The following ARL10 variants were observed in gnomAD, a reference collection of about 807,000 sequenced individuals.
ARL10 encodes ARF like GTPase 10, also known as ADP-ribosylation factor-like protein 10.
Under a neutral mutation model 26.1 loss-of-function variants are expected in ARL10, and 23 were observed. The ratio of observed to expected loss-of-function variants is 0.88; its 90% CI spans 0.63 to 1.25. The LOEUF is 1.25. Among genes scored for constraint, ARL10 ranks in the 50% most tolerant of loss-of-function variants. The pLI, the probability that ARL10 is intolerant of heterozygous loss-of-function variation, is 0.00. For synonymous variants in ARL10, 138 were observed against 149.1 expected (o/e 0.93, Z 0.54); for missense variants, 300 against 323.6 (o/e 0.93, Z 0.56).
At chr5:176,392,789 C>T (rs761220106), downstream of ARL10, 56 of 1,613,998 alleles carry the variant, frequency 3.5e-5, no homozygotes, top group Admixed American at 2.0e-4. The surrounding 1 kb of genome is among the most constrained non-coding windows in gnomAD (Gnocchi z 5.2). Flanking sequence ...GGGACAGTGG[C>T]GTCTGCTTCA....
At chr5:176,410,491 CT>C in the ARL10 span, among the ~76,000 whole-genome samples, 1 of 152,186 alleles carries the variant, frequency 6.6e-6, no homozygotes, top group Non-Finnish European at 1.5e-5. Flanking sequence ...TATAAAGCCT[CT>C]CACAGCCATT....
chr5:176,384,058 G>T, downstream of ARL10: 9 of 1,560,914 alleles, frequency 5.8e-6, no homozygotes, highest in Non-Finnish European at 7.8e-6. Context: ...GAGCCTCTGA[G>T]AACAGTTCCT....
intron 1 of ARL10, chr5:176,397,910 C>T (rs748062085): frequency 7.5e-6 from 12 of 1,607,956 alleles, no homozygotes; most frequent in Middle Eastern, 1.7e-4. Context: ...CAGCCAACCC[C>T]GCCTCAGCCC....
At chr5:176,397,465 G>T in intron 1 of ARL10, 1 of 96,868 alleles carries the variant, frequency 1.0e-5, no homozygotes, top group South Asian at 1.3e-4. Context: ...ATGTCCCCAC[G>T]GCCCCCTCAT....
At position 176,372,659 on chromosome 5, in the gene ARL10, T is replaced by G; in HGVS notation, c.*764T>G. 1 of 366,820 alleles carries G rather than the reference T, an allele frequency of 2.7e-6. No homozygotes were observed. The highest frequency in any genetic ancestry group is 4.8e-6 in the Non-Finnish European group (1 of 206,714). 22.7% of individuals were successfully genotyped at this position (366,820 alleles called of 1,614,324 possible). On this transcript the variant is annotated 3_prime_UTR_variant, in exon 4 of 4. Coordinates refer to ENST00000310389, the MANE Select transcript of ARL10 (RefSeq NM_173664.6). ...AAAAGTGAAGGCTGGGTTTTTCCCCTCTAATCTGGAGACAAGCTGCTGCTC... is the reference window on the plus strand; with the variant it reads ...AAAAGTGAAGGCTGGGTTTTTCCCCGCTAATCTGGAGACAAGCTGCTGCTC...
In ARL10 at chr5:176,366,473, T is replaced by C; in HGVS notation, c.277T>C (p.Phe93Leu). 6.2e-7 allele frequency: 1 copy of C among 1,613,954 alleles called. No homozygotes were observed. Among genetic ancestry groups the C allele is most frequent in the Non-Finnish European group, 8.5e-7 (1 of 1,180,018 alleles). Residue 93 changes from phenylalanine (F) to leucine (L), a missense_variant, in exon 2 of 4, where the codon TTC (phenylalanine) becomes CTC (leucine). By Grantham distance (22) the Phe-to-Leu change is conservative. Coordinates refer to ENST00000310389, the MANE Select transcript of ARL10 (RefSeq NM_173664.6). ...LGLDGAGKST[F>L]LRVLSGKPPL... The stretch of plus-strand genomic sequence containing the variant: ...GCTGGATGGCGCAGGCAAGAGCACG[T>C]TCCTGCGCGTGTTGTCGGGGAAGCC...
chr5:176,389,354 C>T (rs751988448), downstream of ARL10: 3 of 1,613,786 alleles, frequency 1.9e-6, no homozygotes, highest in Non-Finnish European at 2.5e-6. Context: ...GGCGGCCGCC[C>T]TCACCTACGG....
At chr5:176,388,233 A>G (rs1308184558) in intron 1 of ARL10, 1 of 1,605,274 alleles carries the variant, frequency 6.2e-7, no homozygotes, top group Non-Finnish European at 8.5e-7. Flanking sequence ...CCATGTCAGT[A>G]CCTTTCTCTT....
At chr5:176,367,326 T>C (rs1768353193) in intron 2 of ARL10, among the ~76,000 whole-genome samples, 1 of 151,942 alleles carries the variant, frequency 6.6e-6, no homozygotes, top group African/African-American at 2.4e-5. Flanking sequence ...TTTTTTTTTT[T>C]TGGAGACAGG....
intron 1 of ARL10, among the ~76,000 whole-genome samples, chr5:176,399,712 G>C (rs941525922): frequency 3.4e-4 from 52 of 152,092 alleles, no homozygotes; most frequent in African/African-American, 1.2e-3. Flanking sequence ...TGGCCAACAT[G>C]GCGAAACCCC....
intron 1 of ARL10, among the ~76,000 whole-genome samples, chr5:176,400,403 C>T (rs1332742067): frequency 6.6e-6 from 1 of 152,172 alleles, no homozygotes; most frequent in Admixed American, 6.5e-5. Context: ...GGCCCAGAGA[C>T]ATGGCACAAC....
chr5:176,388,205 A>G, intron 1 of ARL10: 1 of 1,504,964 alleles, frequency 6.6e-7, no homozygotes, highest in Non-Finnish European at 9.2e-7. Flanking sequence ...AGTAAAGAAG[A>G]CAAGGACCGA....
chr5:176,390,182 C>CAAAAAAAAA (rs60632467), downstream of ARL10, among the ~76,000 whole-genome samples: 5 of 65,224 alleles, frequency 7.7e-5, no homozygotes, highest in Non-Finnish European at 1.2e-4. Context: ...AACTCCATCT[C>CAAAAAAAAA]AAAAAAAAAA....
At chr5:176,389,526 A>G, downstream of ARL10, 2 of 1,588,358 alleles carry the variant, frequency 1.3e-6, no homozygotes, top group Non-Finnish European at 1.7e-6. Context: ...AAAGCTCCGC[A>G]GAAATGATTC....
At chr5:176,370,629 C>G (rs1768501853) in intron 3 of ARL10, among the ~76,000 whole-genome samples, 1 of 152,168 alleles carries the variant, frequency 6.6e-6, no homozygotes, top group South Asian at 2.1e-4. Flanking sequence ...CCGCTCTGAG[C>G]CTCAGATTGC....
At chr5:176,371,246 A>G (rs570247232) in intron 3 of ARL10, among the ~76,000 whole-genome samples, 20 of 152,152 alleles carry the variant, frequency 1.3e-4, no homozygotes, top group African/African-American at 2.2e-4. Flanking sequence ...GTGGTGGCTC[A>G]CACCTGTAGT....
In ARL10 at chr5:176,365,568, C is replaced by A; in HGVS notation, c.5C>A (p.Ala2Glu). ...CTGCGTCCCTCGCCCGGCCCGATGG[C>A]GCCGCGGCCGCTGGGCCCCTTGGTG... MAPRPLGPLVLA... is the reference protein window; with the variant it reads MEPRPLGPLVLA... The change falls in exon 1 of 4, where the codon GCG (alanine) becomes GAG (glutamate). Residue 2 changes from alanine (A) to glutamate (E), a missense_variant. By Grantham distance (107) the Ala-to-Glu change is moderately radical. Transcript: ENST00000310389. The A allele has an allele frequency of 8.1e-7, 1 of 1,233,806 alleles. No individual in the cohort carries two copies. The highest frequency in any genetic ancestry group is 3.8e-5 in the South Asian group (1 of 26,140). The allele number at this position is 1,233,806 out of a possible 1,614,324, so 76.4% of individuals were successfully genotyped here. A position where few individuals can be genotyped will look rare whatever the true frequency, so the allele number is the denominator to read the frequency against.
downstream of ARL10, among the ~76,000 whole-genome samples, chr5:176,391,640 C>T (rs150968714): frequency 3.5e-4 from 53 of 152,264 alleles, no homozygotes; most frequent in African/African-American, 1.2e-3. Flanking sequence ...GAAGATTTGG[C>T]CACAAAGACA....
At position 176,374,224 on chromosome 5, in the gene ARL10, T is replaced by C. The variant is rs1768626702; in HGVS notation, c.*2329T>C. ...AATTCACTGTGTACAGAGGCAGCTT[T>C]AGGCCAGACTTAATTCAGCTTCACA... is the stretch of plus-strand genomic sequence containing the variant. On this transcript the variant is annotated 3_prime_UTR_variant, in exon 4 of 4. Coordinates refer to ENST00000310389, the MANE Select transcript of ARL10 (RefSeq NM_173664.6). 1.3e-5 allele frequency: 2 copies of C among 152,242 alleles called. No individual in the cohort carries two copies. The highest frequency in any genetic ancestry group is 4.1e-4 in the South Asian group (2 of 4,832). The allele number at this position is 152,242 out of a possible 1,614,324, so 9.4% of individuals were successfully genotyped here. A position where few individuals can be genotyped will look rare whatever the true frequency, so the allele number is the denominator to read the frequency against.
Sources: gnomAD v4.1 joint callset for allele counts (sites outside exome capture counted in the v4.1 genomes callset) on GRCh38, gnomAD v4.1.1 for gene constraint, Gnocchi (gnomAD v3.1) non-coding constraint, MANE v1.5 for transcripts, NCBI Gene and HGNC (gene_info 2026-07-23, HGNC 2026-07-21) for gene names.